FSHR: variants seen among roughly 807,000 people sequenced by gnomAD.
FSHR encodes follicle stimulating hormone receptor, also known as follicle-stimulating hormone receptor.
A neutral mutation model predicts 52.1 loss-of-function variants in FSHR; 46 were observed. The observed-to-expected ratio is 0.88, with a 90% CI of 0.70 to 1.13. The LOEUF (loss-of-function observed/expected upper bound fraction) is 1.13, where lower values mean the gene tolerates loss of function less well. FSHR is among the 50% of genes most tolerant of loss of function. FSHR has a pLI of 0.00. For missense variants in FSHR, 964 were observed against 834.6 expected (o/e 1.16, Z -1.91); for synonymous variants, 399 against 309.6 (o/e 1.29, Z -3.03).
Position 49,042,659 on chromosome 2 carries a change from C to A in FSHR, c.225-22499G>T, listed in dbSNP as rs541035594. Among the ~76,000 whole-genome samples, 83 of 152,304 alleles carry A rather than the reference C, an allele frequency of 5.4e-4. 1 individual carries two copies. The South Asian group carries it at 0.017, about 31-fold the overall frequency. On this transcript the variant is annotated intron_variant, in intron 2 of 9. Transcript: ENST00000406846. The stretch of plus-strand genomic sequence containing the variant: ...AATCACTCATTAGTGAACACTGGAG[C>A]AGCAATTTCCTTTTTTCATGACTTC...
At chr2:49,102,214 A>G (rs1346532017) in intron 1 of FSHR, among the ~76,000 whole-genome samples, 1 of 152,160 alleles carries the variant, frequency 6.6e-6, no homozygotes, top group African/African-American at 2.4e-5. Context: ...ACCAGCAGTG[A>G]ATAGTGACCT....
At chr2:48,985,125 TGATGAC>T (rs1675434096) in intron 6 of FSHR, among the ~76,000 whole-genome samples, 1 of 152,074 alleles carries the variant, frequency 6.6e-6, no homozygotes, top group South Asian at 2.1e-4. Flanking sequence ...ATGATGACGA[TGATGAC>T]GATGACTACA....
intron 1 of FSHR, among the ~76,000 whole-genome samples, chr2:49,087,917 A>G (rs2103680557): frequency 6.6e-6 from 1 of 152,344 alleles, no homozygotes; most frequent in South Asian, 2.1e-4. Flanking sequence ...TAATAACTAT[A>G]GTATAGAGTG....
At chr2:48,973,368 C>A (rs553628413) in intron 8 of FSHR, among the ~76,000 whole-genome samples, 18 of 152,270 alleles carry the variant, frequency 1.2e-4, no homozygotes, top group African/African-American at 4.3e-4. Context: ...GTGGACCCCC[C>A]GCCCCGCAGT....
chr2:49,113,885 C>G (rs761528491), intron 1 of FSHR, among the ~76,000 whole-genome samples: 6 of 152,106 alleles, frequency 3.9e-5, no homozygotes, highest in Non-Finnish European at 5.9e-5. Flanking sequence ...GTTTTCATGC[C>G]CATTGCCTCC....
chr2:49,102,768 A>G (rs1671081523), intron 1 of FSHR, among the ~76,000 whole-genome samples: 1 of 152,182 alleles, frequency 6.6e-6, no homozygotes. Context: ...CGAAATAATA[A>G]AATATTATAG....
intron 2 of FSHR, among the ~76,000 whole-genome samples, chr2:49,055,071 T>C (rs1325661074): frequency 6.6e-6 from 1 of 151,712 alleles, no homozygotes; most frequent in Admixed American, 6.6e-5. Context: ...AGAAAAAGAA[T>C]TGAAAATAAT....
chr2:49,092,576 CTTT>C (rs1267691097), intron 1 of FSHR, among the ~76,000 whole-genome samples: 12 of 152,238 alleles, frequency 7.9e-5, no homozygotes, highest in African/African-American at 2.9e-4. Context: ...GTTTTATCTT[CTTT>C]AATTGATTTA....
chr2:49,060,559 C>A (rs1202869908), intron 2 of FSHR, among the ~76,000 whole-genome samples: 1 of 152,108 alleles, frequency 6.6e-6, no homozygotes, highest in African/African-American at 2.4e-5. Context: ...CAGTCACATC[C>A]CACAGGCCTG....
At chr2:49,119,110 T>C (rs1310000838) in intron 1 of FSHR, among the ~76,000 whole-genome samples, 2 of 152,198 alleles carry the variant, frequency 1.3e-5, no homozygotes, top group African/African-American at 4.8e-5. Context: ...AGACTACTTA[T>C]GGACACATGA....
chr2:49,005,763 G>C (rs1667053951), intron 4 of FSHR, among the ~76,000 whole-genome samples: 1 of 152,150 alleles, frequency 6.6e-6, no homozygotes, highest in South Asian at 2.1e-4. Flanking sequence ...CACCATTACT[G>C]TATCCCTGGA....
intron 1 of FSHR, among the ~76,000 whole-genome samples, chr2:49,074,543 G>A (rs1052416174): frequency 2.0e-5 from 3 of 152,004 alleles, no homozygotes; most frequent in Non-Finnish European, 4.4e-5. Context: ...GAAGAGAAAA[G>A]GGAACACATA....
At chr2:49,009,303 T>C (rs1350813487) in intron 4 of FSHR, among the ~76,000 whole-genome samples, 1 of 151,726 alleles carries the variant, frequency 6.6e-6, no homozygotes. Context: ...CCATTGCTTG[T>C]TTTTCTCAGG....
intron 2 of FSHR, among the ~76,000 whole-genome samples, chr2:49,049,845 A>G (rs1195394119): frequency 3.8e-5 from 5 of 131,076 alleles, no homozygotes; most frequent in African/African-American, 8.1e-5. Flanking sequence ...ATATATATAT[A>G]TATATAATAA....
chr2:48,965,524 C>G (rs1022018756), intron 9 of FSHR, among the ~76,000 whole-genome samples: 1 of 152,138 alleles, frequency 6.6e-6, no homozygotes, highest in Non-Finnish European at 1.5e-5. Flanking sequence ...GAGGGGTATC[C>G]TGTGGTCCTT....
At chr2:49,098,166 G>A (rs905541123) in intron 1 of FSHR, among the ~76,000 whole-genome samples, 1 of 152,116 alleles carries the variant, frequency 6.6e-6, no homozygotes, top group African/African-American at 2.4e-5. Context: ...TGATTGGTTT[G>A]AAATTTAAAT....
chr2:49,070,193 G>A (rs1039152401), intron 1 of FSHR, among the ~76,000 whole-genome samples: 6 of 152,252 alleles, frequency 3.9e-5, no homozygotes, highest in African/African-American at 1.4e-4. Context: ...GGATTAAGAT[G>A]AGAAAGATTC....
At chr2:49,039,327 T>A (rs1381918572) in intron 2 of FSHR, among the ~76,000 whole-genome samples, 1 of 152,166 alleles carries the variant, frequency 6.6e-6, no homozygotes, top group Non-Finnish European at 1.5e-5. Context: ...TCTCTTACAT[T>A]GATTTCTCTC....
chr2:48,996,588 A>T (rs924716882), intron 4 of FSHR, among the ~76,000 whole-genome samples: 1 of 152,102 alleles, frequency 6.6e-6, no homozygotes, highest in African/African-American at 2.4e-5. Context: ...ATTTTTGGCC[A>T]TTTTAAACCA....
Sources: allele counts gnomAD v4.1 joint callset (sites outside exome capture counted in the v4.1 genomes callset), GRCh38; gene constraint gnomAD v4.1.1; transcripts MANE v1.5; gene names NCBI Gene and HGNC (gene_info 2026-07-23, HGNC 2026-07-21).